PBRM1: variants seen among roughly 807,000 people sequenced by gnomAD.
PBRM1 encodes polybromo 1, also known as protein polybromo-1.
Under a neutral mutation model 194.5 loss-of-function variants are expected in PBRM1, and 27 were observed. The ratio of observed to expected loss-of-function variants is 0.14; its 90% CI spans 0.10 to 0.19. The LOEUF (loss-of-function observed/expected upper bound fraction) is 0.19, where lower values mean the gene tolerates loss of function less well. Among genes scored for constraint, PBRM1 ranks in the 10% least tolerant of loss-of-function variants. The pLI, the probability that PBRM1 is intolerant of heterozygous loss-of-function variation, is 1.00. For synonymous variants in PBRM1, 655 were observed against 693.2 expected (o/e 0.94, Z 0.87); for missense variants, 1,466 against 2,077.2 (o/e 0.71, Z 5.72).
intron 17 of PBRM1, among the ~76,000 whole-genome samples, chr3:52,596,049 T>C (rs2093504708): frequency 6.6e-6 from 1 of 152,236 alleles, no homozygotes; most frequent in African/African-American, 2.4e-5. Context: ...TATATAGCTC[T>C]ATAATATAAA....
intron 25 of PBRM1, among the ~76,000 whole-genome samples, chr3:52,559,392 T>C (rs1460168384): frequency 6.6e-6 from 1 of 152,174 alleles, no homozygotes; most frequent in Non-Finnish European, 1.5e-5. Flanking sequence ...GAAGAACTCC[T>C]GAAATGCTGT....
intron 11 of PBRM1, among the ~76,000 whole-genome samples, chr3:52,631,208 C>T (rs563005043): frequency 1.8e-4 from 28 of 152,110 alleles, no homozygotes; most frequent in Middle Eastern, 6.9e-3. Flanking sequence ...TGGTGACTCA[C>T]GCCTGTAATC....
intron 7 of PBRM1, 90 bp from the exon 9 acceptor site, chr3:52,644,879 C>G: frequency 1.7e-6 from 1 of 574,858 alleles, no homozygotes; most frequent in Admixed American, 2.7e-5. Flanking sequence ...CCTTCTATGG[C>G]ACTCTTTCTA....
chr3:52,610,083 G>GA, intron 15 of PBRM1, 128 bp from the exon 18 acceptor site: 1 of 554,490 alleles, frequency 1.8e-6, no homozygotes, highest in Non-Finnish European at 3.0e-6. Flanking sequence ...TGTCTATAGT[G>GA]AAATATAACC....
intron 15 of PBRM1, among the ~76,000 whole-genome samples, chr3:52,612,258 CAA>C (rs566481465): frequency 7.5e-4 from 18 of 24,010 alleles, no homozygotes; most frequent in Non-Finnish European, 7.7e-4. Context: ...GATTCCGTCT[CAA>C]AAAAAAAAAA....
intron 12 of PBRM1, among the ~76,000 whole-genome samples, chr3:52,627,948 T>C (rs1284715272): frequency 6.6e-6 from 1 of 152,208 alleles, no homozygotes; most frequent in African/African-American, 2.4e-5. Context: ...ATGGGTGATC[T>C]AAAATTGCCT....
chr3:52,563,228 C>G (rs2084130123), intron 24 of PBRM1, 55 bp downstream of exon 26: 8 of 1,394,446 alleles, frequency 5.7e-6, no homozygotes, highest in Non-Finnish European at 7.0e-6. Context: ...GGTTTTGAGT[C>G]TGCTGCAAAC....
chr3:52,647,173 C>T (rs2096318167), intron 7 of PBRM1, among the ~76,000 whole-genome samples: 1 of 151,746 alleles, frequency 6.6e-6, no homozygotes, highest in Non-Finnish European at 1.5e-5. Context: ...TTCTGCATCA[C>T]TAATCATTAG....
chr3:52,579,351 C>A, intron 20 of PBRM1, 152 bp from the exon 23 acceptor site: 1 of 666,336 alleles, frequency 1.5e-6, no homozygotes, highest in South Asian at 1.9e-5. Context: ...TTTGGGAGGC[C>A]AAGGCAGGAC....
intron 13 of PBRM1, among the ~76,000 whole-genome samples, chr3:52,626,035 C>A (rs1252883182): frequency 6.6e-6 from 1 of 152,190 alleles, no homozygotes; most frequent in Non-Finnish European, 1.5e-5. Context: ...ACTAATTGTA[C>A]CATCACTTTT....
intron 5 of PBRM1, among the ~76,000 whole-genome samples, chr3:52,653,867 G>A (rs955049171): frequency 6.6e-6 from 1 of 150,946 alleles, no homozygotes; most frequent in African/African-American, 2.4e-5. Flanking sequence ...CTGAGATCAC[G>A]CCACTGCACT....
At chr3:52,632,369 A>C (rs2095646518) in intron 11 of PBRM1, among the ~76,000 whole-genome samples, 2 of 152,130 alleles carry the variant, frequency 1.3e-5, no homozygotes, top group Non-Finnish European at 1.5e-5. Flanking sequence ...GGATTATTTA[A>C]GGCCAGAAAT....
At chr3:52,598,566 A>G (rs2093739096) in intron 17 of PBRM1, among the ~76,000 whole-genome samples, 2 of 152,192 alleles carry the variant, frequency 1.3e-5, no homozygotes, top group African/African-American at 4.8e-5. Flanking sequence ...GGATGAATAT[A>G]CCACTTTTTG....
chr3:52,639,530 C>A (rs2095985618), intron 10 of PBRM1, among the ~76,000 whole-genome samples: 1 of 151,702 alleles, frequency 6.6e-6, no homozygotes, highest in Non-Finnish European at 1.5e-5. Context: ...ATCCTCCCAA[C>A]TCCGCCTCTG....
At position 52,644,922 on chromosome 3, in the gene PBRM1, G is replaced by A. The variant is rs1343567317; in HGVS notation, c.814-133C>T. 10 of 478,666 alleles carry A rather than the reference G, an allele frequency of 2.1e-5. No individual in the cohort carries two copies. The East Asian group carries it at 3.2e-4, about 15-fold the overall frequency. The allele number at this position is 478,666 out of a possible 1,614,324, so 29.7% of individuals were successfully genotyped here. A position where few individuals can be genotyped will look rare whatever the true frequency, so the allele number is the denominator to read the frequency against. On this transcript the variant is annotated intron_variant, in intron 7 of 29. Coordinates refer to ENST00000296302, the Ensembl canonical transcript of PBRM1. ...CAGACTTCCATTCAATACCCACAAA[G>A]CTGCATCCTCCAACATTTCTACAAG...
chr3:52,636,650 G>A (rs1407571039), intron 10 of PBRM1, among the ~76,000 whole-genome samples: 2 of 149,622 alleles, frequency 1.3e-5, no homozygotes, highest in Admixed American at 6.8e-5. Context: ...CCAGCTACTC[G>A]GGAGGCTGAG....
intron 15 of PBRM1, among the ~76,000 whole-genome samples, chr3:52,612,759 A>C (rs2094705688): frequency 6.6e-6 from 1 of 152,056 alleles, no homozygotes; most frequent in South Asian, 2.1e-4. Context: ...CAAAAAAATT[A>C]GCTAGGCATG....
exon 20 of PBRM1, chr3:52,586,672 C>A (rs747709999): frequency 6.6e-7 from 1 of 1,523,172 alleles, no homozygotes; most frequent in Non-Finnish European, 8.9e-7. Flanking sequence ...GTTTTCTGGG[C>A]ATAACTTAAA....
chr3:52,606,972 G>A (rs1411218232), intron 16 of PBRM1, among the ~76,000 whole-genome samples: 3 of 152,162 alleles, frequency 2.0e-5, no homozygotes, highest in Non-Finnish European at 4.4e-5. Flanking sequence ...AGCCTGTGAA[G>A]TCCTAGGTGA....
Sources: gnomAD v4.1 joint callset for allele counts (sites outside exome capture counted in the v4.1 genomes callset) on GRCh38, gnomAD v4.1.1 for gene constraint, MANE v1.5 for transcripts, NCBI Gene and HGNC (gene_info 2026-07-23, HGNC 2026-07-21) for gene names.